Variants in MED27 observed in about 807,000 individuals in gnomAD.
MED27 encodes mediator complex subunit 27, also known as mediator of RNA polymerase II transcription subunit 27.
MED27 carries 30 observed loss-of-function variants against 38.2 expected under a neutral mutation model. The observed-to-expected ratio is 0.79, with a 90% confidence interval of 0.59 to 1.07. The LOEUF (loss-of-function observed/expected upper bound fraction) is 1.07. Ranked by LOEUF, MED27 falls within the 50% of genes least tolerant of loss-of-function variation. The pLI, the probability that MED27 is intolerant of heterozygous loss-of-function variation, is 0.00. For missense variants in MED27, 289 were observed against 397.5 expected (o/e 0.73, Z 2.32); for synonymous variants, 122 against 153.5 (o/e 0.79, Z 1.52).
chr9:132,029,309 T>A (rs528030458), intron 2 of MED27, among the ~76,000 whole-genome samples: 1 of 152,314 alleles, frequency 6.6e-6, no homozygotes, highest in African/African-American at 2.4e-5. Context: ...TCAATCTTTA[T>A]AAAAAAGAAA....
intron 2 of MED27, among the ~76,000 whole-genome samples, chr9:132,033,321 C>T (rs1369126740): frequency 6.6e-6 from 1 of 152,206 alleles, no homozygotes. Flanking sequence ...GGATTCAATA[C>T]CACATTACCA....
chr9:131,898,591 T>C (rs930940214), intron 4 of MED27, among the ~76,000 whole-genome samples: 3 of 151,498 alleles, frequency 2.0e-5, no homozygotes, highest in Admixed American at 6.6e-5. Flanking sequence ...TATGGCTTTA[T>C]GCATTTTTTT....
chr9:131,987,404 G>A (rs531469277), intron 3 of MED27, among the ~76,000 whole-genome samples: 4 of 152,198 alleles, frequency 2.6e-5, no homozygotes, highest in Non-Finnish European at 5.9e-5. Context: ...GTAGCAAAGC[G>A]GAGTCATTTA....
chr9:132,079,838 C>G lies in MED27; in HGVS notation c.7G>C (p.Asp3His), dbSNP rs1297482495. Reference protein sequence around the residue: MADVINVSVNLEA... With the variant: MAHVINVSVNLEA... ...AGGTTCACACTGACATTTATCACGT[C>G]CGCCATGTTGCCGCCGCCACAGCAG... The change falls in exon 1 of 8, where the codon GAC becomes CAC. Residue 3 changes from aspartate (D) to histidine (H), a missense_variant. Transcript: ENST00000292035. 6.3e-7 allele frequency: 1 copy of G among 1,585,720 alleles called. No individual in the cohort carries two copies. The highest frequency in any genetic ancestry group is 8.6e-7 in the Non-Finnish European group (1 of 1,165,502).
At chr9:131,878,537 T>C (rs114457554) in intron 6 of MED27, among the ~76,000 whole-genome samples, 2,003 of 152,196 alleles carry the variant, frequency 0.013, 42 homozygotes, top group African/African-American at 0.046. Flanking sequence ...AGCTGCAAAG[T>C]GTGTGTGGGT....
intron 4 of MED27, among the ~76,000 whole-genome samples, chr9:131,916,865 C>G (rs1409247677): frequency 6.6e-6 from 1 of 152,178 alleles, no homozygotes; most frequent in Non-Finnish European, 1.5e-5. Context: ...CCTCTTTGCA[C>G]ACAGCACACC....
chr9:131,896,536 T>TAA (rs1829835899), intron 4 of MED27, among the ~76,000 whole-genome samples: 1 of 152,118 alleles, frequency 6.6e-6, no homozygotes, highest in East Asian at 1.9e-4. Flanking sequence ...AACTAATACT[T>TAA]AAAAATATAA....
At chr9:131,994,316 C>A (rs747513215) in intron 3 of MED27, among the ~76,000 whole-genome samples, 2 of 152,190 alleles carry the variant, frequency 1.3e-5, no homozygotes, top group Non-Finnish European at 2.9e-5. Context: ...GGGGTAAGAT[C>A]TACCAGAGTA....
At chr9:132,031,433 G>A (rs1423137561) in intron 2 of MED27, among the ~76,000 whole-genome samples, 1 of 152,230 alleles carries the variant, frequency 6.6e-6, no homozygotes, top group East Asian at 1.9e-4. Flanking sequence ...CCATGGCAGA[G>A]GCAACAGATA....
intron 2 of MED27, among the ~76,000 whole-genome samples, chr9:132,036,909 G>C (rs553962386): frequency 6.6e-6 from 1 of 152,124 alleles, no homozygotes; most frequent in African/African-American, 2.4e-5. Flanking sequence ...ATGCCAGAAG[G>C]ACAGTCCAGG....
intron 4 of MED27, among the ~76,000 whole-genome samples, chr9:131,906,832 C>G (rs567801990): frequency 2.2e-4 from 34 of 152,296 alleles, no homozygotes; most frequent in Non-Finnish European, 4.4e-4. Flanking sequence ...ACTATACTTA[C>G]AGTTTCTTCT....
intron 6 of MED27, among the ~76,000 whole-genome samples, chr9:131,866,037 C>T (rs1013883918): frequency 5.9e-5 from 9 of 152,212 alleles, no homozygotes; most frequent in African/African-American, 2.2e-4. Flanking sequence ...ATCCAGCCTA[C>T]TCCACTCATC....
intron 3 of MED27, among the ~76,000 whole-genome samples, chr9:132,012,769 G>T (rs561140471): frequency 6.6e-6 from 1 of 152,192 alleles, no homozygotes; most frequent in East Asian, 1.9e-4. Flanking sequence ...TTATTAATTT[G>T]TTGAGGGGTG....
chr9:132,071,787 G>A (rs1358783640), intron 2 of MED27, among the ~76,000 whole-genome samples: 3 of 149,238 alleles, frequency 2.0e-5, no homozygotes, highest in African/African-American at 5.0e-5. Flanking sequence ...GTCCATGAAC[G>A]AGCACACATG....
chr9:131,863,266 A>C, intron 6 of MED27, 126 bp from the exon 7 acceptor site: 1 of 733,820 alleles, frequency 1.4e-6, no homozygotes, highest in Non-Finnish European at 2.3e-6. Context: ...AGGGCATCTA[A>C]AATAAAATCT....
chr9:132,041,796 C>T (rs1246460870), intron 2 of MED27, among the ~76,000 whole-genome samples: 7 of 152,222 alleles, frequency 4.6e-5, no homozygotes, highest in South Asian at 4.1e-4. Context: ...CGTGCAAACA[C>T]GTTCGTGGGG....
Position 131,928,070 on chromosome 9 carries a change from T to C in MED27, c.573+11311A>G, listed in dbSNP as rs568352080. Among the ~76,000 whole-genome samples, 10 of 152,260 alleles carry C rather than the reference T, an allele frequency of 6.6e-5. No homozygotes were observed. The South Asian group carries it at 1.5e-3, about 22-fold the overall frequency. ...ACTCATATACCAAAAGCAGATGAGATTTAGAACAACAACAAAATCAGTGGA... is the reference window on the plus strand; with the variant it reads ...ACTCATATACCAAAAGCAGATGAGACTTAGAACAACAACAAAATCAGTGGA... On this transcript the variant is annotated intron_variant, in intron 4 of 7. Coordinates refer to ENST00000292035, the MANE Select transcript of MED27 (RefSeq NM_004269.4).
At chr9:131,900,261 G>A (rs940967264) in intron 4 of MED27, among the ~76,000 whole-genome samples, 4 of 152,254 alleles carry the variant, frequency 2.6e-5, no homozygotes, top group African/African-American at 9.6e-5. Flanking sequence ...TGGGCAGCGA[G>A]CGGGGGCCGA....
chr9:131,926,828 T>C (rs1242231988), intron 4 of MED27, among the ~76,000 whole-genome samples: 1 of 152,252 alleles, frequency 6.6e-6, no homozygotes, highest in Non-Finnish European at 1.5e-5. Flanking sequence ...TTAGAAAGAC[T>C]GATAAATGAG....
Sources: gnomAD v4.1 joint callset for allele counts (sites outside exome capture counted in the v4.1 genomes callset) on GRCh38, gnomAD v4.1.1 for gene constraint, MANE v1.5 for transcripts, NCBI Gene and HGNC (gene_info 2026-07-23, HGNC 2026-07-21) for gene names.